The following CEMIP2 variants were observed in gnomAD, a reference collection of about 807,000 sequenced individuals.
CEMIP2 encodes cell surface hyaluronidase CEMIP2.
A neutral mutation model predicts 146.9 loss-of-function variants in CEMIP2; 79 were observed. The ratio of observed to expected loss-of-function variants is 0.54; its 90% confidence interval spans 0.45 to 0.65. CEMIP2 has a LOEUF of 0.65. Ranked by LOEUF, CEMIP2 falls within the 30% of genes least tolerant of loss-of-function variation. The probability of loss-of-function intolerance (pLI) is 0.00; values close to 1 mark genes in which losing one functional copy is unlikely to be tolerated. For missense variants in CEMIP2, 1,596 were observed against 1,696.2 expected, an observed-to-expected ratio of 0.94 and a Z score of 1.04; for synonymous variants, 601 against 606.3, an observed-to-expected ratio of 0.99 and a Z score of 0.13.
chr9:71,757,515 C>T (rs768613696), intron 1 of CEMIP2, among the ~76,000 whole-genome samples: 2 of 152,056 alleles, frequency 1.3e-5, no homozygotes, highest in Non-Finnish European at 2.9e-5. Context: ...CACTAGTATG[C>T]CCAAAAAGTA....
chr9:71,710,566 T>A (rs1040200473), intron 16 of CEMIP2, among the ~76,000 whole-genome samples: 2 of 152,234 alleles, frequency 1.3e-5, no homozygotes, highest in Non-Finnish European at 2.9e-5. Context: ...AACTCCAGAC[T>A]GGATGAACTG....
chr9:71,713,848 TTAAA>T (rs1221213030), intron 15 of CEMIP2, among the ~76,000 whole-genome samples: 1 of 152,184 alleles, frequency 6.6e-6, no homozygotes, highest in Non-Finnish European at 1.5e-5. Flanking sequence ...TTTGTGAGGA[TTAAA>T]TAAATATATT....
rs80307452 is a variant in CEMIP2, at chr9:71,699,611, C to A, written c.3377+1031G>T. Among the ~76,000 whole-genome samples the A allele has an allele frequency of 5.5e-3, 836 of 152,242 alleles. 9 individuals are homozygous for A. The highest frequency in any genetic ancestry group is 0.019 in the African/African-American group (799 of 41,528). ...TAAAGGCTAACCAGGCACTTAACAACTGAGCCCCGACTTCATTCCCCAAGT... is the reference window on the plus strand; with the variant it reads ...TAAAGGCTAACCAGGCACTTAACAAATGAGCCCCGACTTCATTCCCCAAGT... On this transcript the variant is annotated intron_variant, in intron 19 of 23. Coordinates refer to ENST00000377044, the MANE Select transcript of CEMIP2 (RefSeq NM_013390.3).
intron 4 of CEMIP2, among the ~76,000 whole-genome samples, chr9:71,740,487 A>C (rs1462341154): frequency 6.6e-6 from 1 of 152,220 alleles, no homozygotes; most frequent in Non-Finnish European, 1.5e-5. Flanking sequence ...AATTTCAATT[A>C]ATCATTGACT....
intron 1 of CEMIP2, among the ~76,000 whole-genome samples, chr9:71,759,643 T>A (rs890043675): frequency 6.6e-6 from 1 of 152,178 alleles, no homozygotes; most frequent in Non-Finnish European, 1.5e-5. Context: ...AATGATTGGA[T>A]GGGGAAACAG....
chr9:71,706,737 T>C (rs375433174), intron 17 of CEMIP2, among the ~76,000 whole-genome samples: 1 of 152,196 alleles, frequency 6.6e-6, no homozygotes, highest in Non-Finnish European at 1.5e-5. Flanking sequence ...CAGATAGATA[T>C]ACGCACACAT....
At chr9:71,698,851 C>G (rs1429857438) in intron 19 of CEMIP2, among the ~76,000 whole-genome samples, 2 of 152,112 alleles carry the variant, frequency 1.3e-5, no homozygotes, top group Non-Finnish European at 2.9e-5. Flanking sequence ...CAATCTCTAT[C>G]AGCAAACCCA....
chr9:71,729,793 T>C (rs2131964777), intron 10 of CEMIP2, 52 bp downstream of exon 10: 1 of 1,566,246 alleles, frequency 6.4e-7, no homozygotes, highest in Middle Eastern at 1.7e-4. Flanking sequence ...ACCAGACTAT[T>C]TATAAACAAG....
At chr9:71,720,864 A>G (rs774061243) in intron 12 of CEMIP2, among the ~76,000 whole-genome samples, 53 of 152,304 alleles carry the variant, frequency 3.5e-4, no homozygotes, top group Admixed American at 1.1e-3. Flanking sequence ...ATATGTATGT[A>G]GTTATAAACT....
intron 11 of CEMIP2, among the ~76,000 whole-genome samples, chr9:71,724,765 A>G (rs1823333531): frequency 6.6e-6 from 1 of 152,198 alleles, no homozygotes; most frequent in Non-Finnish European, 1.5e-5. Context: ...GCAATATTTC[A>G]CTATTTATAT....
rs192892226 is a variant in CEMIP2 at position 71,697,695 on chromosome 9, G to C, written c.3597+290C>G. The C allele has an allele frequency of 8.6e-4, 267 of 311,082 alleles. 2 individuals carry two copies. Among genetic ancestry groups the C allele is most frequent in the African/African-American group, 5.3e-3 (248 of 46,954 alleles). 19.3% of individuals were successfully genotyped at this position (311,082 alleles called of 1,614,324 possible). A position where few individuals can be genotyped will look rare whatever the true frequency, so the allele number is the denominator to read the frequency against. The stretch of plus-strand genomic sequence containing the variant: ...CATATTGCAACAGAATCAAACATCT[G>C]AGAAAGAAAAAAAATGAGGACCAAC... On this transcript the variant is annotated intron_variant, in intron 20 of 23. Transcript: ENST00000377044.
intron 17 of CEMIP2, among the ~76,000 whole-genome samples, chr9:71,708,337 C>T (rs553146628): frequency 4.6e-5 from 7 of 152,328 alleles, no homozygotes; most frequent in African/African-American, 1.7e-4. Context: ...ATTAAAATCA[C>T]CTTTGCAACT....
At chr9:71,730,280 C>A (rs1386433078) in intron 8 of CEMIP2, 27 bp from the exon 9 acceptor site, 8 of 1,596,606 alleles carry the variant, frequency 5.0e-6, no homozygotes, top group South Asian at 4.4e-5. Flanking sequence ...ATATTAATGT[C>A]ATTGGTAACA....
intron 17 of CEMIP2, among the ~76,000 whole-genome samples, chr9:71,706,963 G>C (rs760468173): frequency 2.0e-5 from 3 of 151,986 alleles, no homozygotes; most frequent in Non-Finnish European, 4.4e-5. Context: ...CGAGTAGCTG[G>C]GATTACACGT....
intron 13 of CEMIP2, among the ~76,000 whole-genome samples, chr9:71,717,502 C>T (rs958900385): frequency 6.6e-6 from 1 of 152,114 alleles, no homozygotes; most frequent in African/African-American, 2.4e-5. Flanking sequence ...AAGTGAGATA[C>T]TTACTGCCTC....
Position 71,698,156 on chromosome 9 carries a change from A to G in CEMIP2, c.3426T>C (p.Ser1142=). The G allele has an allele frequency of 1.9e-6, 3 of 1,614,138 alleles. 1 individual carries two copies. The highest frequency in any genetic ancestry group is 2.5e-6 in the Non-Finnish European group (3 of 1,180,024). The change falls in exon 20 of 24, where the codon AGT becomes AGC. Residue 1142 remains serine (S), a synonymous_variant. Transcript: ENST00000377044. ...LKAKSHRHGH[S]YCSSQGCERV... is the part of the protein sequence containing the mutation. ...TTTCACATCCCTGAGATGAACAGTA[A>G]CTGTGGCCATGCCTGTGGCTTTTGG...
Position 71,704,288 on chromosome 9 carries a change from T to C in CEMIP2, c.3194+307A>G, listed in dbSNP as rs1822663147. On this transcript the variant is annotated intron_variant, in intron 18 of 23. Transcript: ENST00000377044. ...AAGCAAATGCTCCACTGGAAGAGCA[T>C]AGAAAACTACTTCCCATCCCAGCTA... 2.4e-5 allele frequency: 8 copies of C among 333,850 alleles called. No homozygotes were observed. The South Asian group carries it at 2.7e-4, about 11-fold the overall frequency. 20.7% of individuals were successfully genotyped at this position (333,850 alleles called of 1,614,324 possible). A position where few individuals can be genotyped will look rare whatever the true frequency, so the allele number is the denominator to read the frequency against.
At chr9:71,709,144 T>C (rs1822833894) in intron 17 of CEMIP2, 115 bp downstream of exon 17, 3 of 929,462 alleles carry the variant, frequency 3.2e-6, no homozygotes, top group South Asian at 1.5e-5. Context: ...GACAGGAAGA[T>C]AGATCATACT....
chr9:71,753,096 T>C (rs1284856126), intron 1 of CEMIP2, among the ~76,000 whole-genome samples: 5 of 152,170 alleles, frequency 3.3e-5, no homozygotes, highest in Non-Finnish European at 7.4e-5. Context: ...AAGACCCCGT[T>C]ATGATCCTCT....
Sources: gnomAD v4.1 joint callset for allele counts (sites outside exome capture counted in the v4.1 genomes callset) on GRCh38, gnomAD v4.1.1 for gene constraint, MANE v1.5 for transcripts, NCBI Gene and HGNC (gene_info 2026-07-23, HGNC 2026-07-21) for gene names.